The following APBB2 variants were observed in gnomAD, a reference collection of about 807,000 sequenced individuals.
The protein encoded by APBB2 is amyloid beta precursor protein binding family B member 2.
A neutral mutation model predicts 82.5 loss-of-function variants in APBB2; 38 were observed. The observed-to-expected ratio is 0.46, with a 90% CI of 0.36 to 0.60. The LOEUF (loss-of-function observed/expected upper bound fraction) is 0.60, where lower values mean the gene tolerates loss of function less well. Among genes scored for constraint, APBB2 ranks in the 20% least tolerant of loss-of-function variants. The pLI, the probability that APBB2 is intolerant of heterozygous loss-of-function variation, is 0.00. For synonymous variants in APBB2, 341 were observed against 368.2 expected, an observed-to-expected ratio of 0.93 and a Z score of 0.85; for missense variants, 772 against 972.3, an observed-to-expected ratio of 0.79 and a Z score of 2.74.
At chr4:41,164,951 C>A (rs1213863808) in intron 1 of APBB2, among the ~76,000 whole-genome samples, 1 of 152,166 alleles carries the variant, frequency 6.6e-6, no homozygotes. Flanking sequence ...CTGGATTTCA[C>A]TTTTTTTAAG....
At chr4:41,196,599 CTTTTTTTT>C in intron 1 of APBB2, among the ~76,000 whole-genome samples, 15,787 of 100,422 alleles carry the variant, frequency 0.16, 1,065 homozygotes, top group South Asian at 0.25. Flanking sequence ...AAGCCCCCTG[CTTTTTTTT>C]TTTTTTTTTT....
chr4:40,955,249 T>C (rs899184177), intron 6 of APBB2, among the ~76,000 whole-genome samples: 4 of 152,110 alleles, frequency 2.6e-5, no homozygotes, highest in Admixed American at 2.6e-4. Context: ...GAGAACAGCA[T>C]TTCTGAAAGA....
chr4:41,083,686 C>CAAAAAA (rs3058169), intron 3 of APBB2, among the ~76,000 whole-genome samples: 3 of 68,048 alleles, frequency 4.4e-5, no homozygotes, highest in African/African-American at 5.7e-5. Context: ...GACTCTGTCT[C>CAAAAAA]AAAAAAAAAA....
At chr4:40,993,714 A>G (rs1436231953) in intron 6 of APBB2, among the ~76,000 whole-genome samples, 1 of 152,112 alleles carries the variant, frequency 6.6e-6, no homozygotes, top group Non-Finnish European at 1.5e-5. Context: ...TCAAAAACAA[A>G]AGAAAATATT....
chr4:41,168,901 A>T (rs1053806074), intron 1 of APBB2, among the ~76,000 whole-genome samples: 3 of 152,108 alleles, frequency 2.0e-5, no homozygotes, highest in African/African-American at 7.2e-5. Context: ...GAGGACAGAG[A>T]AGTGGCTGGA....
At chr4:40,985,228 A>T (rs1341798727) in intron 6 of APBB2, among the ~76,000 whole-genome samples, 2 of 151,868 alleles carry the variant, frequency 1.3e-5, no homozygotes, top group Non-Finnish European at 2.9e-5. Flanking sequence ...ATGACTTTAA[A>T]TTTTACGTTT....
intron 12 of APBB2, among the ~76,000 whole-genome samples, chr4:40,843,143 T>G (rs1157813239): frequency 6.6e-6 from 1 of 152,180 alleles, no homozygotes; most frequent in African/African-American, 2.4e-5. Context: ...ACAGCCGATT[T>G]GCATGCACCG....
intron 3 of APBB2, among the ~76,000 whole-genome samples, chr4:41,076,326 G>GT (rs1245593657): frequency 6.6e-6 from 1 of 152,188 alleles, no homozygotes; most frequent in African/African-American, 2.4e-5. Flanking sequence ...ATTTTAAGGA[G>GT]TAAAACTCCA....
intron 12 of APBB2, among the ~76,000 whole-genome samples, chr4:40,887,436 G>T (rs12647209): frequency 0.26 from 39,788 of 152,076 alleles, 5,786 homozygotes; most frequent in East Asian, 0.56. Context: ...AAAAGAGAAT[G>T]TGAAATGGGC....
chr4:41,196,136 T>G, intron 1 of APBB2, among the ~76,000 whole-genome samples: 29 of 149,878 alleles, frequency 1.9e-4, no homozygotes, highest in East Asian at 1.8e-3. Flanking sequence ...TCCAGCCTGG[T>G]CGACAGAGCA....
intron 1 of APBB2, among the ~76,000 whole-genome samples, chr4:41,181,168 C>A (rs111468466): frequency 1.3e-5 from 2 of 151,944 alleles, no homozygotes; most frequent in African/African-American, 4.8e-5. Flanking sequence ...CACACCTTCA[C>A]CCACATTCAA....
chr4:41,061,238 A>C (rs1034206779), intron 4 of APBB2, among the ~76,000 whole-genome samples: 2 of 152,238 alleles, frequency 1.3e-5, no homozygotes, highest in African/African-American at 4.8e-5. Context: ...CAAATATGCA[A>C]TTTTTATTAG....
Position 40,890,456 on chromosome 4 carries a change from C to T in APBB2, c.1437G>A (p.Met479Ile). 2 of 1,614,130 alleles carry T rather than the reference C, an allele frequency of 1.2e-6. No individual in the cohort carries two copies. The highest frequency in any genetic ancestry group is 1.7e-6 in the Non-Finnish European group (2 of 1,180,008). ...KDMYLILEND[M>I]LSLVDPMDRS... ...GGTCCATGGGGTCCACCAGGCTGAG[C>T]ATGTCATTCTCCAGGATCAGGTACA... Residue 479 changes from methionine (M) to isoleucine (I), a missense_variant, in exon 12 of 18, where the codon ATG becomes ATA. Met to Ile is a conservative substitution (Grantham distance 10, BLOSUM62 1). Coordinates refer to ENST00000508593, the MANE Select transcript of APBB2 (RefSeq NM_004307.2).
chr4:40,898,582 T>C (rs1053956475), intron 10 of APBB2, among the ~76,000 whole-genome samples: 1 of 152,102 alleles, frequency 6.6e-6, no homozygotes, highest in Non-Finnish European at 1.5e-5. Flanking sequence ...TTATTATTGA[T>C]AAACTTTTAC....
At chr4:40,821,228 T>TG (rs1162224368) in intron 17 of APBB2, among the ~76,000 whole-genome samples, 1 of 152,218 alleles carries the variant, frequency 6.6e-6, no homozygotes. Flanking sequence ...CAAAGACACA[T>TG]GCTGAAGGAA....
At chr4:41,080,990 G>C (rs971754850) in intron 3 of APBB2, among the ~76,000 whole-genome samples, 2 of 152,166 alleles carry the variant, frequency 1.3e-5, no homozygotes, top group African/African-American at 4.8e-5. Flanking sequence ...GACCTCAGGT[G>C]ATCCACCTGC....
intron 12 of APBB2, among the ~76,000 whole-genome samples, chr4:40,850,965 A>T (rs535581358): frequency 7.1e-4 from 108 of 152,226 alleles, no homozygotes; most frequent in Middle Eastern, 3.4e-3. Context: ...ATTTTTTTTT[A>T]AAACTGGCCT....
intron 15 of APBB2, among the ~76,000 whole-genome samples, chr4:40,825,507 A>G (rs756010449): frequency 2.0e-5 from 3 of 152,262 alleles, no homozygotes; most frequent in Non-Finnish European, 4.4e-5. Flanking sequence ...AAGCCTCCAC[A>G]GTCCTTTCTC....
intron 4 of APBB2, among the ~76,000 whole-genome samples, chr4:41,041,127 A>G (rs1331590818): frequency 3.9e-5 from 6 of 151,982 alleles, no homozygotes; most frequent in Non-Finnish European, 8.8e-5. Flanking sequence ...TGATTCCCCC[A>G]CCTTGGCCTC....
Sources: allele counts gnomAD v4.1 joint callset (sites outside exome capture counted in the v4.1 genomes callset), GRCh38; gene constraint gnomAD v4.1.1; transcripts MANE v1.5; gene names NCBI Gene and HGNC (gene_info 2026-07-23, HGNC 2026-07-21).